The following FBLN1 variants were observed in gnomAD, a reference collection of about 807,000 sequenced individuals.
The protein encoded by FBLN1 is fibulin 1.
FBLN1 carries 34 observed loss-of-function variants against 89.7 expected under a neutral mutation model. That is an observed-to-expected ratio of 0.38 (90% confidence interval 0.29 to 0.50). FBLN1 has a LOEUF of 0.50. FBLN1 is among the 20% of genes least tolerant of loss of function. The probability of loss-of-function intolerance (pLI) is 0.92; values close to 1 mark genes in which losing one functional copy is unlikely to be tolerated. For missense variants in FBLN1, 777 were observed against 988.1 expected (o/e 0.79, Z 2.86); for synonymous variants, 393 against 391.3 (o/e 1.00, Z -0.05).
intron 14 of FBLN1, among the ~76,000 whole-genome samples, chr22:45,571,111 C>CAAAAAAAAAAAA (rs542647353): frequency 4.2e-4 from 30 of 70,830 alleles, no homozygotes; most frequent in Middle Eastern, 9.1e-3. Flanking sequence ...ACAAGAGTCT[C>CAAAAAAAAAAAA]AAAAAAAAAA....
chr22:45,548,614 C>T lies in FBLN1; in HGVS notation c.1443C>T (p.Asp481=), dbSNP rs1325611625. 1.2e-6 allele frequency: 2 copies of T among 1,613,524 alleles called. No homozygotes were observed. The highest frequency in any genetic ancestry group is 1.7e-6 in the Non-Finnish European group (2 of 1,180,002). The change falls in exon 13 of 17, where the codon GAC becomes GAT. Residue 481 remains aspartate, a splice_region_variant and synonymous_variant. Transcript: ENST00000327858. ...LSDVDGVTCE[D]IDECALPTGG... is the part of the protein sequence containing the mutation. ...CTGAGGTGGGCTTTGCCGTTGCAGA[C>T]ATCGACGAGTGCGCCCTGCCCACCG...
chr22:45,538,538 T>A (rs934539610), intron 8 of FBLN1, among the ~76,000 whole-genome samples: 1 of 152,240 alleles, frequency 6.6e-6, no homozygotes, highest in Non-Finnish European at 1.5e-5. Context: ...AATCATTTCA[T>A]GTCAGCACCT....
intron 8 of FBLN1, among the ~76,000 whole-genome samples, chr22:45,538,074 C>T (rs971041185): frequency 1.3e-5 from 2 of 152,240 alleles, no homozygotes; most frequent in African/African-American, 2.4e-5. Flanking sequence ...GGGAGCCGTC[C>T]CCTTACTGTC....
intron 14 of FBLN1, among the ~76,000 whole-genome samples, chr22:45,564,524 C>T (rs1171413701): frequency 6.6e-6 from 1 of 152,212 alleles, no homozygotes; most frequent in East Asian, 1.9e-4. Flanking sequence ...GCACCCTTGG[C>T]CTGAATGTTG....
At chr22:45,554,186 G>C (rs965720439) in intron 14 of FBLN1, among the ~76,000 whole-genome samples, 1 of 152,244 alleles carries the variant, frequency 6.6e-6, no homozygotes, top group Non-Finnish European at 1.5e-5. Flanking sequence ...CGAGTGGAAG[G>C]AAAGTCTGCT....
At chr22:45,534,292 C>CAA (rs136746) in intron 7 of FBLN1, among the ~76,000 whole-genome samples, 3 of 83,208 alleles carry the variant, frequency 3.6e-5, no homozygotes, top group Admixed American at 1.6e-4. Context: ...GTACTTTCTA[C>CAA]AAAAAAAAAA....
rs925625200 is a variant in FBLN1, at chr22:45,537,341, G to A, written c.922+2004G>A. On this transcript the variant is annotated intron_variant, in intron 8 of 16. Coordinates refer to ENST00000327858, the MANE Select transcript of FBLN1 (RefSeq NM_006486.3). The surrounding 1 kb of genome is among the most constrained non-coding windows in gnomAD (Gnocchi z 5.7). Reference sequence around the variant, plus strand: ...TATTTAAAGATAAGTGGATGTGGCCGGGCACAGTGACTCACGCCTGTAATT... The same window carrying A: ...TATTTAAAGATAAGTGGATGTGGCCAGGCACAGTGACTCACGCCTGTAATT... Among the ~76,000 whole-genome samples the A allele has an allele frequency of 3.9e-5, 6 of 152,140 alleles. No homozygotes were observed. Among genetic ancestry groups the A allele is most frequent in the African/African-American group, 9.7e-5 (4 of 41,424 alleles).
chr22:45,573,444 G>A (rs562853130), intron 14 of FBLN1, among the ~76,000 whole-genome samples: 11 of 151,764 alleles, frequency 7.2e-5, no homozygotes, highest in Admixed American at 3.3e-4. Flanking sequence ...GGGAGGCTGA[G>A]GTGGGCGGAT....
intron 14 of FBLN1, among the ~76,000 whole-genome samples, chr22:45,553,393 G>A (rs1466416526): frequency 6.6e-6 from 1 of 152,174 alleles, no homozygotes; most frequent in Non-Finnish European, 1.5e-5. Context: ...GGCAGGGGGG[G>A]ACGGGGCGGG....
In FBLN1 at chr22:45,547,241, C is replaced by T. The variant is rs778613166; in HGVS notation, c.1441+37C>T. 12 of 1,610,894 alleles carry T rather than the reference C, an allele frequency of 7.4e-6. No individual in the cohort carries two copies. In the African/African-American group the frequency reaches 1.1e-4, roughly 14 times the overall value. On this transcript the variant is annotated intron_variant, in intron 12 of 16. Coordinates refer to ENST00000327858, the MANE Select transcript of FBLN1 (RefSeq NM_006486.3). ...CCTGCCTGCTGAGGGGGAAAGCACC[C>T]CCTGGTCTTGCCATGACACAGCAGC...
intron 14 of FBLN1, among the ~76,000 whole-genome samples, chr22:45,554,625 CG>C (rs1258185924): frequency 2.0e-5 from 3 of 152,190 alleles, no homozygotes; most frequent in African/African-American, 4.8e-5. Flanking sequence ...TAACCCAGCA[CG>C]AGACATGGAA....
intron 3 of FBLN1, among the ~76,000 whole-genome samples, chr22:45,526,065 T>G (rs1184023252): frequency 6.6e-6 from 1 of 152,210 alleles, no homozygotes; most frequent in Non-Finnish European, 1.5e-5. Flanking sequence ...CTCAGGCTTC[T>G]CTACCCACAG....
At chr22:45,598,978 CT>C (rs1267407646) in intron 16 of FBLN1, among the ~76,000 whole-genome samples, 1 of 152,240 alleles carries the variant, frequency 6.6e-6, no homozygotes, top group Non-Finnish European at 1.5e-5. Flanking sequence ...CTCTGTGAGG[CT>C]TTGGGTGCCC....
chr22:45,512,827 G>T (rs1602161760), intron 1 of FBLN1, among the ~76,000 whole-genome samples: 1 of 152,062 alleles, frequency 6.6e-6, no homozygotes, highest in East Asian at 1.9e-4. Context: ...GTGCAGTCGT[G>T]GCCCACTGCA....
chr22:45,593,233 G>C (rs1467895988), intron 16 of FBLN1, among the ~76,000 whole-genome samples: 1 of 131,044 alleles, frequency 7.6e-6, no homozygotes, highest in South Asian at 2.5e-4. Flanking sequence ...CAAATAGCAG[G>C]AGCTGAAAGA....
intron 10 of FBLN1, among the ~76,000 whole-genome samples, chr22:45,542,947 A>G (rs1308810183): frequency 1.3e-5 from 2 of 152,220 alleles, no homozygotes; most frequent in African/African-American, 4.8e-5. Flanking sequence ...GCTCGGGACA[A>G]GTCACTTTGC....
chr22:45,583,251 C>T lies in FBLN1; in HGVS notation c.1972+6143C>T, dbSNP rs2089057651. 6.6e-6 allele frequency among the ~76,000 whole-genome samples: 1 copy of T among 152,182 alleles called. No homozygotes were observed. The highest frequency in any genetic ancestry group is 2.1e-4 in the South Asian group (1 of 4,828). On this transcript the variant is annotated intron_variant, in intron 16 of 16. Transcript: ENST00000327858. This position sits in a 1 kb window ranked among gnomAD's most constrained non-coding sequence, Gnocchi z 4.5. ...TCAGCCCCCCAGGCAGCTCTAAGGG[C>T]TCAGCTGCTGCAGGATTCCTTAGAG... is the stretch of plus-strand genomic sequence containing the variant.
Position 45,530,448 on chromosome 22 carries a change from T to C in FBLN1, c.485-817T>C, listed in dbSNP as rs1403122639. On this transcript the variant is annotated intron_variant, in intron 4 of 16. Transcript: ENST00000327858. This position sits in a 1 kb window ranked among gnomAD's most constrained non-coding sequence, Gnocchi z 5.4. ...CTTCACAGCCGCACCTTCCTCCCAC[T>C]GCTACCAGTGCCATGGACCCACTGT... Among the ~76,000 whole-genome samples the C allele has an allele frequency of 5.3e-5, 8 of 152,148 alleles. No homozygotes were observed. Among genetic ancestry groups the C allele is most frequent in the Non-Finnish European group, 1.0e-4 (7 of 68,012 alleles).
At chr22:45,513,105 T>C (rs1398564073) in intron 1 of FBLN1, among the ~76,000 whole-genome samples, 1 of 152,244 alleles carries the variant, frequency 6.6e-6, no homozygotes, top group Non-Finnish European at 1.5e-5. Context: ...ACTAAATTAA[T>C]TCGCTTGACA....
Sources: allele counts gnomAD v4.1 joint callset (sites outside exome capture counted in the v4.1 genomes callset), GRCh38; gene constraint gnomAD v4.1.1; non-coding constraint Gnocchi (gnomAD v3.1); transcripts MANE v1.5; gene names NCBI Gene and HGNC (gene_info 2026-07-23, HGNC 2026-07-21).